The following PDE1C variants were observed in gnomAD, a reference collection of about 807,000 sequenced individuals.
PDE1C encodes phosphodiesterase 1C.
In PDE1C, 62 loss-of-function variants were observed where a neutral mutation model predicts 93.1. That is an observed-to-expected ratio of 0.67 (90% confidence interval 0.54 to 0.82). The LOEUF is 0.82. PDE1C is among the 40% of genes least tolerant of loss of function. The pLI is 0.00. For synonymous variants in PDE1C, 325 were observed against 310.1 expected (o/e 1.05, Z -0.50); for missense variants, 742 against 884.6 (o/e 0.84, Z 2.04).
At chr7:32,208,753 T>C (rs1173508595) in intron 2 of PDE1C, among the ~76,000 whole-genome samples, 1 of 152,130 alleles carries the variant, frequency 6.6e-6, no homozygotes, top group East Asian at 1.9e-4. Flanking sequence ...TTCCAGGAAG[T>C]GCATTAACTT....
At chr7:31,955,116 C>T (rs931949096) in intron 2 of PDE1C, among the ~76,000 whole-genome samples, 1 of 152,192 alleles carries the variant, frequency 6.6e-6, no homozygotes, top group Admixed American at 6.5e-5. Context: ...AATTCCAGTA[C>T]TACAGATATT....
In PDE1C at chr7:32,176,176, A is replaced by C. The variant is rs545930323; in HGVS notation, c.137-6220T>G. Among the ~76,000 whole-genome samples the C allele has an allele frequency of 2.8e-4, 43 of 152,314 alleles. No homozygotes were observed. The South Asian group carries it at 3.1e-3, about 11-fold the overall frequency. On this transcript the variant is annotated intron_variant, in intron 2 of 18. Coordinates refer to the PDE1C transcript ENST00000396193. Reference sequence around the variant, plus strand: ...AGTCTCTTGTAGTTAGCCTAACTACATCTGAATTAACTATAGTACATTTAT... The same window carrying C: ...AGTCTCTTGTAGTTAGCCTAACTACCTCTGAATTAACTATAGTACATTTAT...
At chr7:31,621,933 A>C in the PDE1C span, among the ~76,000 whole-genome samples, 3 of 150,802 alleles carry the variant, frequency 2.0e-5, no homozygotes, top group Non-Finnish European at 4.4e-5. Flanking sequence ...ATGGAAAACA[A>C]AAAAAGGCAG....
At chr7:31,744,211 T>G in the PDE1C span, among the ~76,000 whole-genome samples, 7 of 152,144 alleles carry the variant, frequency 4.6e-5, no homozygotes, top group Admixed American at 3.9e-4. Context: ...TCTCACACTA[T>G]TTCCCTGAGC....
intron 17 of PDE1C, among the ~76,000 whole-genome samples, chr7:31,761,694 A>G (rs1794841105): frequency 6.6e-6 from 1 of 152,216 alleles, no homozygotes; most frequent in African/African-American, 2.4e-5. Flanking sequence ...AGCAGAATCT[A>G]TGAGGGTAGG....
intron 2 of PDE1C, among the ~76,000 whole-genome samples, chr7:31,944,207 T>C (rs1413846848): frequency 6.6e-6 from 1 of 152,118 alleles, no homozygotes; most frequent in Non-Finnish European, 1.5e-5. Context: ...TCTTTCAGGG[T>C]CGTCCTCATC....
At chr7:32,308,361 G>A (rs370644948) in intron 1 of PDE1C, among the ~76,000 whole-genome samples, 1 of 152,254 alleles carries the variant, frequency 6.6e-6, no homozygotes, top group Non-Finnish European at 1.5e-5. Flanking sequence ...AAATGTCCCT[G>A]TCTGACAGCT....
At chr7:31,935,731 G>A (rs60513904) in intron 2 of PDE1C, among the ~76,000 whole-genome samples, 4,979 of 152,184 alleles carry the variant, frequency 0.033, 275 homozygotes, top group African/African-American at 0.11. Flanking sequence ...GCTAAGAGTA[G>A]TATAAATAAA....
At chr7:31,865,179 C>T (rs1466177463) in intron 6 of PDE1C, 97 bp from the exon 7 acceptor site, 1 of 1,171,104 alleles carries the variant, frequency 8.5e-7, no homozygotes, top group African/African-American at 1.5e-5. Flanking sequence ...TCTCTGAAGG[C>T]ATAACACATG....
intron 2 of PDE1C, among the ~76,000 whole-genome samples, chr7:32,199,256 T>C (rs922447122): frequency 2.6e-5 from 4 of 152,246 alleles, no homozygotes; most frequent in Admixed American, 2.0e-4. Flanking sequence ...TTATAATGTA[T>C]CTGCCAATAG....
At chr7:31,710,244 C>A in the PDE1C span, among the ~76,000 whole-genome samples, 3 of 152,192 alleles carry the variant, frequency 2.0e-5, no homozygotes, top group Non-Finnish European at 2.9e-5. Context: ...TTTAATGGAA[C>A]TGGCAAAGCA....
chr7:32,241,714 G>A (rs937679519), intron 1 of PDE1C, among the ~76,000 whole-genome samples: 3 of 152,178 alleles, frequency 2.0e-5, no homozygotes, highest in Admixed American at 6.5e-5. Flanking sequence ...TGAATAATCA[G>A]TCATGCAGTG....
rs142449148 is a variant in PDE1C at position 31,939,543 on chromosome 7, T to C, written c.129-58683A>G. Among the ~76,000 whole-genome samples, 12 of 151,984 alleles carry C rather than the reference T, an allele frequency of 7.9e-5. No individual in the cohort carries two copies. In the East Asian group the frequency reaches 2.1e-3, roughly 27 times the overall value. On this transcript the variant is annotated intron_variant, in intron 2 of 17. Coordinates refer to ENST00000396191, the MANE Select transcript of PDE1C (RefSeq NM_001191057.4). The stretch of plus-strand genomic sequence containing the variant: ...GACAAATAAGAAGTTAATCTGAGAG[T>C]TGAGAAAAATATAAATGAAAACAAA...
intron 16 of PDE1C, among the ~76,000 whole-genome samples, chr7:31,801,392 T>C (rs1218237221): frequency 2.6e-5 from 4 of 151,456 alleles, no homozygotes; most frequent in Non-Finnish European, 5.9e-5. Flanking sequence ...TTGAATCCTT[T>C]TGAATTTATT....
intron 2 of PDE1C, among the ~76,000 whole-genome samples, chr7:31,885,672 T>C (rs1797776960): frequency 6.6e-6 from 1 of 152,164 alleles, no homozygotes; most frequent in African/African-American, 2.4e-5. Flanking sequence ...TTTTGTAATT[T>C]AAAAGGATGT....
At chr7:32,073,876 G>A (rs1796202090), upstream of PDE1C, among the ~76,000 whole-genome samples, 1 of 152,138 alleles carries the variant, frequency 6.6e-6, no homozygotes, top group East Asian at 1.9e-4. Context: ...AAAACACAAA[G>A]CCACTCACAA....
chr7:32,303,437 T>C (rs187258398), upstream of PDE1C, among the ~76,000 whole-genome samples: 251 of 152,328 alleles, frequency 1.6e-3, 1 homozygote, highest in African/African-American at 5.6e-3. Context: ...GAGTAAGTCT[T>C]AGAACAGTCC....
chr7:31,963,072 T>C (rs1299724617), intron 2 of PDE1C, among the ~76,000 whole-genome samples: 1 of 152,228 alleles, frequency 6.6e-6, no homozygotes, highest in East Asian at 1.9e-4. Context: ...ACAAAAGCAA[T>C]GCTTTAGAAA....
chr7:32,398,668 C>A (rs928987036), intron 1 of PDE1C, among the ~76,000 whole-genome samples: 1 of 152,186 alleles, frequency 6.6e-6, no homozygotes, highest in African/African-American at 2.4e-5. Flanking sequence ...GGATTACAGG[C>A]GTGAACCACG....
Sources: allele counts gnomAD v4.1 joint callset (sites outside exome capture counted in the v4.1 genomes callset), GRCh38; gene constraint gnomAD v4.1.1; transcripts MANE v1.5; gene names NCBI Gene and HGNC (gene_info 2026-07-23, HGNC 2026-07-21).